The following PAG1 variants were observed in gnomAD, a reference collection of about 807,000 sequenced individuals.
The protein encoded by PAG1 is phosphoprotein membrane anchor with glycosphingolipid microdomains 1, also known as phosphoprotein associated with glycosphingolipid-enriched microdomains 1.
In PAG1, 23 loss-of-function variants were observed where a neutral mutation model predicts 31.7. That is an observed-to-expected ratio of 0.73 (90% CI 0.52 to 1.03). The LOEUF is 1.03. Ranked by LOEUF, PAG1 falls within the 50% of genes least tolerant of loss-of-function variation. The pLI is 0.00. For synonymous variants in PAG1, 214 were observed against 210.3 expected, an observed-to-expected ratio of 1.02 and a Z score of -0.15; for missense variants, 473 against 540.7, an observed-to-expected ratio of 0.87 and a Z score of 1.24.
intron 2 of PAG1, among the ~76,000 whole-genome samples, chr8:81,053,446 A>G (rs1441950284): frequency 1.3e-5 from 2 of 152,242 alleles, no homozygotes; most frequent in Non-Finnish European, 2.9e-5. Flanking sequence ...CTTACTTGAC[A>G]GAGACAGACC....
intron 1 of PAG1, among the ~76,000 whole-genome samples, chr8:81,101,610 G>A (rs1362495834): frequency 2.0e-5 from 3 of 152,054 alleles, no homozygotes; most frequent in Non-Finnish European, 2.9e-5. Flanking sequence ...AATTCTATTG[G>A]CAAAAATATT....
At chr8:81,043,165 A>G (rs16908443) in intron 2 of PAG1, among the ~76,000 whole-genome samples, 4,630 of 151,662 alleles carry the variant, frequency 0.031, 205 homozygotes, top group African/African-American at 0.1. Context: ...TTACCACCCC[A>G]CTGTTCACCA....
At chr8:81,034,709 T>C (rs1397101802) in intron 2 of PAG1, among the ~76,000 whole-genome samples, 1 of 152,186 alleles carries the variant, frequency 6.6e-6, no homozygotes, top group Non-Finnish European at 1.5e-5. Context: ...TCTAGGGCCA[T>C]GCAGAGCAAG....
intron 3 of PAG1, among the ~76,000 whole-genome samples, chr8:81,009,494 A>C (rs1207769589): frequency 1.3e-5 from 2 of 152,242 alleles, no homozygotes; most frequent in Admixed American, 1.3e-4. Context: ...AAAATAATGA[A>C]GTATTACCCA....
intron 3 of PAG1, among the ~76,000 whole-genome samples, chr8:81,007,887 G>A (rs911047056): frequency 3.9e-5 from 6 of 152,100 alleles, no homozygotes; most frequent in East Asian, 3.8e-4. Context: ...AATCTGGTCC[G>A]GGGGAATCAC....
chr8:80,986,190 T>A (rs1259357982), intron 6 of PAG1, among the ~76,000 whole-genome samples: 1 of 152,172 alleles, frequency 6.6e-6, no homozygotes, highest in Non-Finnish European at 1.5e-5. Context: ...AAATAGTGTT[T>A]CCAAGGGGTA....
At chr8:80,987,632 G>T (rs1807452873) in intron 5 of PAG1, 166 bp from the exon 6 acceptor site, 1 of 566,480 alleles carries the variant, frequency 1.8e-6, no homozygotes, top group East Asian at 3.1e-5. Context: ...TACATTTCAA[G>T]ACCCCCAGTG....
chr8:80,991,944 A>T (rs922204347), intron 4 of PAG1, among the ~76,000 whole-genome samples: 2 of 151,166 alleles, frequency 1.3e-5, no homozygotes, highest in Admixed American at 6.6e-5. Flanking sequence ...GAAAATACAG[A>T]TTTTTGGCAC....
chr8:81,028,753 C>T (rs12676749), intron 3 of PAG1, among the ~76,000 whole-genome samples: 7 of 152,174 alleles, frequency 4.6e-5, no homozygotes, highest in African/African-American at 9.7e-5. Context: ...CCATTCTGTA[C>T]GCACAGCACA....
rs575394393 is a variant in PAG1 at position 81,037,961 on chromosome 8, T to C, written c.-174-7872A>G. ...GTCTTGGCCTAATGCACATGCCCTA[T>C]CCTGCCATTGTGCATCATGGGCAGC... On this transcript the variant is annotated intron_variant, in intron 2 of 8. Coordinates refer to ENST00000220597, the MANE Select transcript of PAG1 (RefSeq NM_018440.4). Among the ~76,000 whole-genome samples the C allele has an allele frequency of 2.5e-3, 375 of 152,374 alleles. 3 individuals are homozygous for C. Among genetic ancestry groups the C allele is most frequent in the Non-Finnish European group, 4.6e-3 (310 of 68,042 alleles).
intron 1 of PAG1, among the ~76,000 whole-genome samples, chr8:81,091,358 T>C (rs1809443218): frequency 6.6e-6 from 1 of 152,162 alleles, no homozygotes; most frequent in South Asian, 2.1e-4. Flanking sequence ...ACAATTCTTT[T>C]CTCCTATGAT....
intron 2 of PAG1, among the ~76,000 whole-genome samples, chr8:81,049,537 T>C (rs371737136): frequency 2.6e-5 from 4 of 152,220 alleles, no homozygotes; most frequent in African/African-American, 9.7e-5. Context: ...AAATAATGTA[T>C]GATAAATTGC....
At chr8:81,033,956 C>T (rs1332510595) in intron 2 of PAG1, among the ~76,000 whole-genome samples, 1 of 152,184 alleles carries the variant, frequency 6.6e-6, no homozygotes, top group East Asian at 1.9e-4. Context: ...GAGTGTATCT[C>T]CCTGCTATCT....
chr8:80,977,281 C>CA (rs1437168707), intron 8 of PAG1, among the ~76,000 whole-genome samples: 3 of 152,062 alleles, frequency 2.0e-5, no homozygotes, highest in African/African-American at 4.8e-5. Flanking sequence ...CACTGCTTTA[C>CA]AAAAAAGGAC....
At chr8:81,093,711 C>A (rs541265378) in intron 1 of PAG1, among the ~76,000 whole-genome samples, 1 of 151,860 alleles carries the variant, frequency 6.6e-6, no homozygotes, top group Admixed American at 6.6e-5. Flanking sequence ...CTAGGGAAAC[C>A]TGTGACAAGA....
At chr8:81,092,611 G>A (rs972784348) in intron 1 of PAG1, among the ~76,000 whole-genome samples, 7 of 152,116 alleles carry the variant, frequency 4.6e-5, no homozygotes, top group African/African-American at 1.7e-4. Context: ...TGTATCCCTC[G>A]TCATGGAACT....
At chr8:81,053,671 T>C (rs993418610) in intron 2 of PAG1, among the ~76,000 whole-genome samples, 1 of 152,144 alleles carries the variant, frequency 6.6e-6, no homozygotes, top group Non-Finnish European at 1.5e-5. Context: ...AAAGGGGAGA[T>C]ACACCTTGGG....
In PAG1 at chr8:81,008,772, G is replaced by A. The variant is rs141872934; in HGVS notation, c.-80-15465C>T. 1.1e-4 allele frequency among the ~76,000 whole-genome samples: 17 copies of A among 152,100 alleles called. 2 individuals carry two copies. In the East Asian group the frequency reaches 3.3e-3, roughly 29 times the overall value. ...TCACTGGAATACCAACATCCTCCAGGACTGCAGCTGGCACAGTCCTACTGA... is the reference window on the plus strand; with the variant it reads ...TCACTGGAATACCAACATCCTCCAGAACTGCAGCTGGCACAGTCCTACTGA... On this transcript the variant is annotated intron_variant, in intron 3 of 8. Coordinates refer to ENST00000220597, the MANE Select transcript of PAG1 (RefSeq NM_018440.4).
rs1807039689 is a variant in PAG1, at chr8:80,969,815, G to A, written c.*6729C>T. 1 of 152,238 alleles carries A rather than the reference G, an allele frequency of 6.6e-6. No homozygotes were observed. Among genetic ancestry groups the A allele is most frequent in the South Asian group, 2.1e-4 (1 of 4,834 alleles). 9.4% of individuals were successfully genotyped at this position (152,238 alleles called of 1,614,324 possible). A position where few individuals can be genotyped will look rare whatever the true frequency, so the allele number is the denominator to read the frequency against. On this transcript the variant is annotated 3_prime_UTR_variant, in exon 9 of 9. Coordinates refer to ENST00000220597, the MANE Select transcript of PAG1 (RefSeq NM_018440.4). ...TGAAACACCCTGGCTCCTGAAGTAT[G>A]TAGAAAATGGGAACTTCAGCAGCTG...
Sources: allele counts gnomAD v4.1 joint callset (sites outside exome capture counted in the v4.1 genomes callset), GRCh38; gene constraint gnomAD v4.1.1; transcripts MANE v1.5; gene names NCBI Gene and HGNC (gene_info 2026-07-23, HGNC 2026-07-21).